The following PHTF2 variants were observed in gnomAD, a reference collection of about 807,000 sequenced individuals.
PHTF2 encodes protein PHTF2.
In PHTF2, 60 loss-of-function variants were observed where a neutral mutation model predicts 101.2. That is an observed-to-expected ratio of 0.59 (90% CI 0.48 to 0.73). The LOEUF (loss-of-function observed/expected upper bound fraction) is 0.73, where lower values mean the gene tolerates loss of function less well. Ranked by LOEUF, PHTF2 falls within the 30% of genes least tolerant of loss-of-function variation. The pLI is 0.00. For missense variants in PHTF2, 747 were observed against 908.7 expected (o/e 0.82, Z 2.29); for synonymous variants, 311 against 307.3 (o/e 1.01, Z -0.13).
intron 3 of PHTF2, among the ~76,000 whole-genome samples, chr7:77,887,355 C>CT (rs373621304): frequency 0.022 from 3,158 of 144,172 alleles, 41 homozygotes; most frequent in African/African-American, 0.035. Context: ...ATCTCAATTT[C>CT]TTTTTTTTTT....
At chr7:77,925,629 C>A (rs2150928790) in intron 11 of PHTF2, among the ~76,000 whole-genome samples, 1 of 147,008 alleles carries the variant, frequency 6.8e-6, no homozygotes, top group Admixed American at 7.0e-5. Flanking sequence ...CCTGCCTCAG[C>A]TAATTTTTGT....
At chr7:77,881,546 T>G (rs1799422777) in intron 3 of PHTF2, among the ~76,000 whole-genome samples, 1 of 152,080 alleles carries the variant, frequency 6.6e-6, no homozygotes, top group Non-Finnish European at 1.5e-5. Context: ...TCTTTTTTCT[T>G]TTTTTGTAGA....
intron 3 of PHTF2, among the ~76,000 whole-genome samples, chr7:77,858,923 T>A (rs1797396747): frequency 6.6e-6 from 1 of 152,188 alleles, no homozygotes; most frequent in Admixed American, 6.5e-5. Context: ...AATAGAAGTT[T>A]ATTTTTTTCA....
chr7:77,853,909 C>T (rs191262391), intron 2 of PHTF2, among the ~76,000 whole-genome samples: 1 of 152,274 alleles, frequency 6.6e-6, no homozygotes, highest in African/African-American at 2.4e-5. Flanking sequence ...TTCATGGTCT[C>T]ATACCTTTGT....
chr7:77,835,271 T>C (rs1250693465), intron 1 of PHTF2, among the ~76,000 whole-genome samples: 1 of 126,508 alleles, frequency 7.9e-6, no homozygotes, highest in Non-Finnish European at 1.6e-5. Flanking sequence ...CAAAACTCCG[T>C]CTCAAAAAAA....
At chr7:77,817,535 A>G (rs1444449590) in intron 1 of PHTF2, among the ~76,000 whole-genome samples, 4 of 152,140 alleles carry the variant, frequency 2.6e-5, no homozygotes, top group Non-Finnish European at 5.9e-5. Flanking sequence ...TTATGAAACC[A>G]TCAGATCTTG....
At position 77,817,168 on chromosome 7, in the gene PHTF2, A is replaced by T. The variant is rs111451512; in HGVS notation, c.-36+18197A>T. Among the ~76,000 whole-genome samples the T allele has an allele frequency of 6.2e-4, 94 of 152,306 alleles. 1 individual carries two copies. The highest frequency in any genetic ancestry group is 1.1e-3 in the Non-Finnish European group (72 of 68,014). On this transcript the variant is annotated intron_variant, in intron 1 of 19. Coordinates refer to ENST00000416283, the Ensembl canonical transcript of PHTF2. ...TGCTCTTCTCCATAGTAGCTGTACTAGTTTACATTCCTACCAAATGTGTAA... is the reference window on the plus strand; with the variant it reads ...TGCTCTTCTCCATAGTAGCTGTACTTGTTTACATTCCTACCAAATGTGTAA...
At position 77,848,410 on chromosome 7, in the gene PHTF2, G is replaced by A. The variant is rs117085685; in HGVS notation, c.46-6323G>A. Among the ~76,000 whole-genome samples the A allele has an allele frequency of 1.4e-3, 217 of 152,234 alleles. 4 individuals are homozygous for A. The East Asian group carries it at 0.039, about 27-fold the overall frequency. ...CTGGAGAAAAGCCATTTTGACTGAGGTAAGATGATATCTCACTGTAGTTTT... is the reference window on the plus strand; with the variant it reads ...CTGGAGAAAAGCCATTTTGACTGAGATAAGATGATATCTCACTGTAGTTTT... On this transcript the variant is annotated intron_variant, in intron 2 of 19. Transcript: ENST00000416283.
intron 3 of PHTF2, among the ~76,000 whole-genome samples, chr7:77,866,493 A>G (rs925557361): frequency 1.3e-5 from 2 of 152,184 alleles, no homozygotes; most frequent in Admixed American, 1.3e-4. Flanking sequence ...GCCTGTGGTT[A>G]ACAAGTTACG....
chr7:77,871,242 G>A (rs1392907213), intron 3 of PHTF2, among the ~76,000 whole-genome samples: 3 of 152,134 alleles, frequency 2.0e-5, no homozygotes, highest in African/African-American at 7.2e-5. Context: ...ACACGGCATG[G>A]TGATATTAAG....
chr7:77,843,380 C>G (rs1330238076), intron 2 of PHTF2, among the ~76,000 whole-genome samples: 1 of 152,038 alleles, frequency 6.6e-6, no homozygotes, highest in East Asian at 1.9e-4. Flanking sequence ...TCAGGTTTAT[C>G]TCTTCCCTTT....
chr7:77,817,407 G>A (rs1265990849), intron 1 of PHTF2, among the ~76,000 whole-genome samples: 2 of 152,212 alleles, frequency 1.3e-5, no homozygotes, highest in Non-Finnish European at 2.9e-5. Context: ...TCACAGTTGA[G>A]CATGGCTGGG....
rs763729224 is a variant in PHTF2 at position 77,940,305 on chromosome 7, G to C, written c.1740+3G>C. ...TAGCAGAAAGAACTTATAAACAGGT[G>C]GGTATAATGTAGACTTCCGAATAAG... On this transcript the variant is annotated splice_donor_region_variant and intron_variant, in intron 14 of 19. Coordinates refer to ENST00000416283, the Ensembl canonical transcript of PHTF2. 2 of 1,606,136 alleles carry C rather than the reference G, an allele frequency of 1.2e-6. No homozygotes were observed. Among genetic ancestry groups the C allele is most frequent in the Non-Finnish European group, 1.7e-6 (2 of 1,176,484 alleles).
intron 3 of PHTF2, among the ~76,000 whole-genome samples, chr7:77,877,636 A>C (rs985270335): frequency 2.0e-5 from 3 of 152,234 alleles, no homozygotes. Flanking sequence ...GTTTGCATGC[A>C]TTAACAGCAA....
At chr7:77,855,729 G>T (rs1415770732) in intron 3 of PHTF2, among the ~76,000 whole-genome samples, 1 of 152,128 alleles carries the variant, frequency 6.6e-6, no homozygotes, top group Non-Finnish European at 1.5e-5. Context: ...GCTGAATTCT[G>T]CCCCATGTTG....
chr7:77,874,258 T>G (rs1229492874), intron 3 of PHTF2, among the ~76,000 whole-genome samples: 1 of 152,170 alleles, frequency 6.6e-6, no homozygotes, highest in Non-Finnish European at 1.5e-5. Context: ...TTTTTGGGTC[T>G]AATCACATTA....
At chr7:77,840,044 AT>A (rs1795751855) in intron 1 of PHTF2, 176 bp from the exon 2 acceptor site, 1 of 392,088 alleles carries the variant, frequency 2.6e-6, no homozygotes, top group Non-Finnish European at 4.6e-6. Context: ...GTGGCAACTG[AT>A]TTTTGTTTAC....
intron 3 of PHTF2, among the ~76,000 whole-genome samples, chr7:77,866,398 G>A (rs539242794): frequency 6.6e-6 from 1 of 152,162 alleles, no homozygotes; most frequent in South Asian, 2.1e-4. Flanking sequence ...TGTCTAAGAG[G>A]CAGACAGAGA....
chr7:77,916,040 C>T (rs973706865), intron 9 of PHTF2, among the ~76,000 whole-genome samples: 1 of 150,586 alleles, frequency 6.6e-6, no homozygotes, highest in Non-Finnish European at 1.5e-5. Context: ...TCTTCCTATA[C>T]GGTAATACTT....
Sources: allele counts gnomAD v4.1 joint callset (sites outside exome capture counted in the v4.1 genomes callset), GRCh38; gene constraint gnomAD v4.1.1; transcripts MANE v1.5; gene names NCBI Gene and HGNC (gene_info 2026-07-23, HGNC 2026-07-21).